The following PDE4D variants were observed in gnomAD, a reference collection of about 807,000 sequenced individuals.
The protein encoded by PDE4D is phosphodiesterase 4D, also known as 3',5'-cyclic-AMP phosphodiesterase 4D.
A neutral mutation model predicts 87.4 loss-of-function variants in PDE4D; 24 were observed. The ratio of observed to expected loss-of-function variants is 0.27; its 90% CI spans 0.20 to 0.39. PDE4D has a LOEUF of 0.39. PDE4D is among the 10% of genes least tolerant of loss of function. The pLI is 1.00. For synonymous variants in PDE4D, 384 were observed against 383.2 expected, an observed-to-expected ratio of 1.00 and a Z score of -0.02; for missense variants, 714 against 1,041.0, an observed-to-expected ratio of 0.69 and a Z score of 4.32.
intron 5 of PDE4D, among the ~76,000 whole-genome samples, chr5:59,132,916 A>G (rs1288715098): frequency 2.0e-5 from 3 of 152,220 alleles, no homozygotes; most frequent in African/African-American, 7.2e-5. Flanking sequence ...AGGAAGGTCA[A>G]TCATCCCATT....
chr5:58,984,493 C>T (rs1396402716), intron 11 of PDE4D, among the ~76,000 whole-genome samples: 2 of 152,268 alleles, frequency 1.3e-5, no homozygotes, highest in East Asian at 3.9e-4. Flanking sequence ...TCTATATAAT[C>T]ACATTTGATA....
intron 2 of PDE4D, among the ~76,000 whole-genome samples, chr5:60,084,712 T>C (rs192444608): frequency 6.6e-6 from 1 of 152,256 alleles, no homozygotes; most frequent in African/African-American, 2.4e-5. Flanking sequence ...TAACTGTTAA[T>C]CCTGCACCCC....
intron 1 of PDE4D, among the ~76,000 whole-genome samples, chr5:59,786,607 G>A (rs576258696): frequency 3.7e-4 from 56 of 152,298 alleles, no homozygotes; most frequent in Middle Eastern, 3.4e-3. Flanking sequence ...GACTTTAGGC[G>A]AGGATAGTAC....
chr5:59,157,045 T>G, intron 5 of PDE4D: 21 of 305,916 alleles, frequency 6.9e-5, no homozygotes, highest in East Asian at 1.1e-4. Context: ...TAAAGCCACA[T>G]GTATGTTGTT....
At chr5:59,185,617 C>G (rs2153480678) in intron 3 of PDE4D, among the ~76,000 whole-genome samples, 1 of 152,230 alleles carries the variant, frequency 6.6e-6, no homozygotes, top group Non-Finnish European at 1.5e-5. Flanking sequence ...GCTAATAAAG[C>G]TCACTTTAGG....
chr5:59,982,470 T>C (rs1356935220), intron 3 of PDE4D, among the ~76,000 whole-genome samples: 2 of 152,208 alleles, frequency 1.3e-5, no homozygotes, highest in African/African-American at 4.8e-5. Flanking sequence ...AGCTAGACTC[T>C]CCTTAGATTG....
At chr5:60,487,301 C>T (rs537616088) in intron 1 of PDE4D, among the ~76,000 whole-genome samples, 2 of 152,266 alleles carry the variant, frequency 1.3e-5, no homozygotes, top group South Asian at 2.1e-4. Context: ...GTTTAATGTA[C>T]TTTTTATAAG....
chr5:59,013,981 G>T (rs1441349242), intron 6 of PDE4D, among the ~76,000 whole-genome samples: 2 of 152,182 alleles, frequency 1.3e-5, no homozygotes, highest in Non-Finnish European at 2.9e-5. Context: ...GGGATGCAAG[G>T]CTGCTTCAAC....
intron 1 of PDE4D, chr5:60,487,811 C>G: frequency 6.6e-6 from 1 of 152,254 alleles, no homozygotes; most frequent in Non-Finnish European, 1.5e-5. Flanking sequence ...TCGTCTTGAA[C>G]TTGATACACA....
chr5:59,885,959 A>G (rs1750088762), intron 1 of PDE4D, among the ~76,000 whole-genome samples: 1 of 152,212 alleles, frequency 6.6e-6, no homozygotes, highest in South Asian at 2.1e-4. Context: ...CTGAGATTCA[A>G]TATTCCCTTC....
chr5:59,995,903 A>C (rs1239542302), intron 2 of PDE4D, among the ~76,000 whole-genome samples: 1 of 152,176 alleles, frequency 6.6e-6, no homozygotes, highest in Non-Finnish European at 1.5e-5. Flanking sequence ...GCATATAGAC[A>C]TACTCATCTC....
chr5:60,046,167 T>G (rs1198649153), intron 2 of PDE4D, among the ~76,000 whole-genome samples: 1 of 152,228 alleles, frequency 6.6e-6, no homozygotes, highest in Non-Finnish European at 1.5e-5. Context: ...GCTCTCTGTT[T>G]GTCTGTTGTT....
At chr5:60,129,518 T>A (rs927299264) in intron 2 of PDE4D, among the ~76,000 whole-genome samples, 1 of 152,190 alleles carries the variant, frequency 6.6e-6, no homozygotes, top group Non-Finnish European at 1.5e-5. Flanking sequence ...CTCTCCCAGG[T>A]AGGACCAGCT....
chr5:59,465,067 G>A (rs1034620673), intron 1 of PDE4D, among the ~76,000 whole-genome samples: 1 of 152,044 alleles, frequency 6.6e-6, no homozygotes, highest in Non-Finnish European at 1.5e-5. Context: ...ATTGTTCTTA[G>A]GGTAGAAGAC....
chr5:58,970,042 CTTTTAT>C lies in PDE4D; in HGVS notation c.*4616_*4621del, dbSNP rs1415920362. On this transcript the variant is annotated 3_prime_UTR_variant, in exon 15 of 15. Coordinates refer to ENST00000340635, the MANE Select transcript of PDE4D (RefSeq NM_001104631.2). ...TGAACTATAATTTAAAATGAATAAT[CTTTTAT>C]TTGTAAAAGATTGAGTCATAAATAG... 6.6e-6 allele frequency: 1 copy of C among 152,076 alleles called. No homozygotes were observed. The highest frequency in any genetic ancestry group is 1.5e-5 in the Non-Finnish European group (1 of 67,996). The allele number at this position is 152,076 out of a possible 1,614,324, so 9.4% of individuals were successfully genotyped here.
intron 1 of PDE4D, among the ~76,000 whole-genome samples, chr5:59,819,493 A>ATT (rs1561713149): frequency 6.6e-6 from 1 of 152,152 alleles, no homozygotes; most frequent in East Asian, 1.9e-4. Context: ...AAACAGACCT[A>ATT]TTACTCATAA....
At chr5:59,927,320 C>T (rs577143614) in intron 3 of PDE4D, among the ~76,000 whole-genome samples, 5 of 152,292 alleles carry the variant, frequency 3.3e-5, no homozygotes, top group Admixed American at 1.3e-4. Flanking sequence ...TAATTTTCCT[C>T]CTCTCTCCTC....
At chr5:59,392,080 GAAGA>G (rs757040205) in intron 1 of PDE4D, among the ~76,000 whole-genome samples, 3 of 151,662 alleles carry the variant, frequency 2.0e-5, no homozygotes, top group Non-Finnish European at 1.5e-5. Flanking sequence ...ACAGTACAGA[GAAGA>G]AAGCTCAGAA....
At chr5:60,511,793 G>GA (rs1397096929) in intron 1 of PDE4D, among the ~76,000 whole-genome samples, 6 of 151,724 alleles carry the variant, frequency 4.0e-5, no homozygotes, top group African/African-American at 9.7e-5. Flanking sequence ...TTTTAGTACA[G>GA]AAAAAATATT....
Sources: gnomAD v4.1 joint callset for allele counts (sites outside exome capture counted in the v4.1 genomes callset) on GRCh38, gnomAD v4.1.1 for gene constraint, MANE v1.5 for transcripts, NCBI Gene and HGNC (gene_info 2026-07-23, HGNC 2026-07-21) for gene names.